Variants in TMEM117 observed in about 807,000 individuals in gnomAD.
TMEM117 encodes transmembrane protein 117.
A neutral mutation model predicts 52.4 loss-of-function variants in TMEM117; 27 were observed. The observed-to-expected ratio is 0.51, with a 90% CI of 0.38 to 0.71. The LOEUF (loss-of-function observed/expected upper bound fraction) is 0.71. Ranked by LOEUF, TMEM117 falls within the 30% of genes least tolerant of loss-of-function variation. The pLI is 0.00. For synonymous variants in TMEM117, 215 were observed against 206.3 expected (o/e 1.04, Z -0.36); for missense variants, 556 against 630.5 (o/e 0.88, Z 1.26).
chr12:43,823,543 C>G, the TMEM117 span, among the ~76,000 whole-genome samples: 2 of 152,092 alleles, frequency 1.3e-5, no homozygotes, highest in Non-Finnish European at 2.9e-5. Flanking sequence ...CAGAGTTCCA[C>G]TCTGTCTCCA....
chr12:43,865,691 C>T (rs781545706), intron 2 of TMEM117, among the ~76,000 whole-genome samples: 23 of 146,366 alleles, frequency 1.6e-4, no homozygotes, highest in Admixed American at 4.8e-4. Context: ...AACGAGACTC[C>T]GTCCCAAAAA....
intron 6 of TMEM117, among the ~76,000 whole-genome samples, chr12:44,313,804 G>A (rs1951020498): frequency 6.6e-6 from 1 of 151,968 alleles, no homozygotes; most frequent in Non-Finnish European, 1.5e-5. Flanking sequence ...AGTTCTCCTT[G>A]TAGAGATATT....
chr12:43,906,454 C>T (rs919625782), intron 2 of TMEM117, among the ~76,000 whole-genome samples: 19 of 106,102 alleles, frequency 1.8e-4, no homozygotes, highest in South Asian at 4.1e-4. Context: ...GGGAGTGAGA[C>T]GCTGTCTCAA....
At chr12:43,987,403 A>AT (rs1481009503) in intron 3 of TMEM117, among the ~76,000 whole-genome samples, 1 of 152,060 alleles carries the variant, frequency 6.6e-6, no homozygotes, top group Non-Finnish European at 1.5e-5. Context: ...GACTTTTATC[A>AT]TTTTTTGATG....
At chr12:44,261,825 T>A (rs1950324257) in intron 5 of TMEM117, among the ~76,000 whole-genome samples, 2 of 152,230 alleles carry the variant, frequency 1.3e-5, no homozygotes, top group South Asian at 4.1e-4. Flanking sequence ...TGAAATTCAA[T>A]TAAAGCAAGC....
chr12:44,071,532 AAT>A (rs2137983556), intron 3 of TMEM117, among the ~76,000 whole-genome samples: 1 of 152,342 alleles, frequency 6.6e-6, no homozygotes, highest in East Asian at 1.9e-4. Flanking sequence ...ATTTTATTAC[AAT>A]GTCTATTTTA....
intron 2 of TMEM117, among the ~76,000 whole-genome samples, chr12:43,937,150 A>G (rs1463384971): frequency 6.6e-6 from 1 of 152,208 alleles, no homozygotes; most frequent in Non-Finnish European, 1.5e-5. Context: ...AGATAAGTAG[A>G]TGAATGTGAG....
At chr12:43,906,083 T>A (rs1944381837) in intron 2 of TMEM117, among the ~76,000 whole-genome samples, 1 of 152,238 alleles carries the variant, frequency 6.6e-6, no homozygotes, top group Non-Finnish European at 1.5e-5. Context: ...CTTTTTAAAC[T>A]CCTACTTTAT....
intron 5 of TMEM117, among the ~76,000 whole-genome samples, chr12:44,262,234 C>T (rs952496743): frequency 2.0e-5 from 3 of 152,082 alleles, no homozygotes; most frequent in Admixed American, 6.6e-5. Context: ...ACACACTATG[C>T]GGTGTGTATG....
intron 2 of TMEM117, among the ~76,000 whole-genome samples, chr12:43,849,191 G>A (rs1343288910): frequency 6.6e-6 from 1 of 152,202 alleles, no homozygotes; most frequent in Non-Finnish European, 1.5e-5. Context: ...GGTGGATAGC[G>A]AATGGGAGTG....
chr12:44,117,770 T>C (rs370487151), intron 3 of TMEM117, among the ~76,000 whole-genome samples: 2 of 152,146 alleles, frequency 1.3e-5, no homozygotes, highest in Admixed American at 1.3e-4. Context: ...GCCATTATTG[T>C]TTGTTTTGCC....
In TMEM117 at chr12:44,134,182, C is replaced by G. The variant is rs542854275; in HGVS notation, c.411-9343C>G. Among the ~76,000 whole-genome samples the G allele has an allele frequency of 8.9e-4, 136 of 152,302 alleles. 1 individual carries two copies. The highest frequency in any genetic ancestry group is 2.8e-3 in the African/African-American group (118 of 41,578). ...CACACTCACCGTTTGTCCCACATCT[C>G]TCAAAACGGAGACACATTGGTCTTT... On this transcript the variant is annotated intron_variant, in intron 3 of 7. Transcript: ENST00000266534.
chr12:43,818,801 T>C, the TMEM117 span, among the ~76,000 whole-genome samples: 694 of 152,306 alleles, frequency 4.6e-3, 4 homozygotes, highest in Non-Finnish European at 8.5e-3. Context: ...CAGTTCAGAT[T>C]TTGATACACA....
intron 5 of TMEM117, among the ~76,000 whole-genome samples, chr12:44,216,252 C>T (rs921346953): frequency 1.3e-4 from 20 of 152,064 alleles, no homozygotes; most frequent in South Asian, 4.2e-4. Flanking sequence ...GCGATCTGCC[C>T]GCCTTGGCCT....
chr12:43,972,665 A>T (rs1490132872), intron 3 of TMEM117, among the ~76,000 whole-genome samples: 1 of 152,168 alleles, frequency 6.6e-6, no homozygotes, highest in Non-Finnish European at 1.5e-5. Flanking sequence ...GTAGCCACAG[A>T]GTGCTGATTG....
intron 5 of TMEM117, among the ~76,000 whole-genome samples, chr12:44,274,744 T>C (rs1950491454): frequency 6.6e-6 from 1 of 152,068 alleles, no homozygotes; most frequent in Non-Finnish European, 1.5e-5. Context: ...GAAAACTGGA[T>C]ATAAATACTC....
intron 6 of TMEM117, among the ~76,000 whole-genome samples, chr12:44,353,364 C>A (rs1184681254): frequency 6.6e-5 from 10 of 152,100 alleles, no homozygotes; most frequent in Admixed American, 2.0e-4. Flanking sequence ...GACATGAAGT[C>A]CTTGCCCATG....
chr12:44,069,667 A>C (rs569199414), intron 3 of TMEM117, among the ~76,000 whole-genome samples: 54 of 152,344 alleles, frequency 3.5e-4, no homozygotes, highest in African/African-American at 1.1e-3. Flanking sequence ...TTTAAAGCAG[A>C]GGAGGAACAT....
At chr12:43,949,965 C>A (rs10880601) in intron 3 of TMEM117, among the ~76,000 whole-genome samples, 24,526 of 152,058 alleles carry the variant, frequency 0.16, 2,915 homozygotes, top group African/African-American at 0.32. Flanking sequence ...CTCTGGACAC[C>A]CCTCCCCAAA....
Sources: allele counts gnomAD v4.1 joint callset (sites outside exome capture counted in the v4.1 genomes callset), GRCh38; gene constraint gnomAD v4.1.1; transcripts MANE v1.5; gene names NCBI Gene and HGNC (gene_info 2026-07-23, HGNC 2026-07-21).